The following RGS21 variants were observed in gnomAD, a reference collection of about 807,000 sequenced individuals.
RGS21 encodes regulator of G protein signaling 21.
In RGS21, 19 loss-of-function variants were observed where a neutral mutation model predicts 18.7. That is an observed-to-expected ratio of 1.01 (90% confidence interval 0.71 to 1.49). RGS21 has a LOEUF of 1.49. Ranked by LOEUF, RGS21 falls within the 40% of genes most tolerant of loss-of-function variation. The probability of loss-of-function intolerance (pLI) is 0.00; values close to 1 mark genes in which losing one functional copy is unlikely to be tolerated. For synonymous variants in RGS21, 56 were observed against 57.8 expected, an observed-to-expected ratio of 0.97 and a Z score of 0.14; for missense variants, 194 against 176.8, an observed-to-expected ratio of 1.10 and a Z score of -0.55.
intron 3 of RGS21, among the ~76,000 whole-genome samples, chr1:192,350,957 G>A (rs1430032852): frequency 3.3e-5 from 5 of 152,176 alleles, no homozygotes; most frequent in African/African-American, 1.2e-4. Flanking sequence ...GTAAGATAAG[G>A]GAAAGAAGTG....
chr1:192,361,868 C>A (rs1022361040), intron 4 of RGS21, among the ~76,000 whole-genome samples: 5 of 151,888 alleles, frequency 3.3e-5, no homozygotes, highest in African/African-American at 9.7e-5. Context: ...GATTTTTAAA[C>A]CAAAATTGAA....
chr1:192,323,574 T>C (rs994586998), intron 1 of RGS21, among the ~76,000 whole-genome samples: 19 of 152,060 alleles, frequency 1.2e-4, no homozygotes, highest in African/African-American at 4.1e-4. Flanking sequence ...GAGTAGATGA[T>C]TGAAAAATTG....
chr1:192,320,187 C>T (rs1261418250), intron 1 of RGS21, among the ~76,000 whole-genome samples: 1 of 151,938 alleles, frequency 6.6e-6, no homozygotes, highest in African/African-American at 2.4e-5. Context: ...CTAATGGGTA[C>T]TAGGCTTAAT....
intron 4 of RGS21, among the ~76,000 whole-genome samples, chr1:192,363,395 A>G (rs1162014842): frequency 6.6e-6 from 1 of 152,178 alleles, no homozygotes; most frequent in Admixed American, 6.6e-5. Context: ...TAGGGGAAAT[A>G]TAAAGTTAAA....
At chr1:192,345,348 C>T (rs1195511661) in intron 2 of RGS21, among the ~76,000 whole-genome samples, 2 of 152,008 alleles carry the variant, frequency 1.3e-5, no homozygotes, top group African/African-American at 4.8e-5. Context: ...ACACTCTATG[C>T]CTTTGAAGCT....
At chr1:192,320,780 G>A (rs1658487371) in intron 1 of RGS21, among the ~76,000 whole-genome samples, 1 of 151,952 alleles carries the variant, frequency 6.6e-6, no homozygotes, top group African/African-American at 2.4e-5. Flanking sequence ...AGCAAATTTA[G>A]AATTAGCTAA....
intron 1 of RGS21, among the ~76,000 whole-genome samples, chr1:192,334,051 T>C (rs1658728884): frequency 6.6e-6 from 1 of 152,226 alleles, no homozygotes; most frequent in Non-Finnish European, 1.5e-5. Flanking sequence ...TACTTTAACA[T>C]ATGGCTCTCT....
At chr1:192,322,223 C>G (rs1658507549) in intron 1 of RGS21, among the ~76,000 whole-genome samples, 1 of 151,400 alleles carries the variant, frequency 6.6e-6, no homozygotes, top group South Asian at 2.1e-4. Flanking sequence ...GCATGACATT[C>G]AAATATCTAA....
rs1297533621 is a variant in RGS21, at chr1:192,366,534, T to C, written c.*410T>C. The stretch of plus-strand genomic sequence containing the variant: ...TAAAAAGAGAATTTCTGAACCAAAA[T>C]ACAAGCTTTCATTTAATATATTTAA... On this transcript the variant is annotated 3_prime_UTR_variant, in exon 5 of 5. Coordinates refer to ENST00000417209, the MANE Select transcript of RGS21 (RefSeq NM_001039152.3). The C allele has an allele frequency of 1.3e-5, 2 of 153,082 alleles. No individual in the cohort carries two copies. Among genetic ancestry groups the C allele is most frequent in the African/African-American group, 2.4e-5 (1 of 41,468 alleles). The allele number at this position is 153,082 out of a possible 1,614,324, so 9.5% of individuals were successfully genotyped here.
At chr1:192,351,228 A>G (rs867960928) in intron 3 of RGS21, among the ~76,000 whole-genome samples, 28 of 152,100 alleles carry the variant, frequency 1.8e-4, no homozygotes, top group African/African-American at 6.5e-4. Context: ...ATGTATTTGT[A>G]TTTGCCTTAT....
chr1:192,329,554 G>A (rs181398761), intron 1 of RGS21, among the ~76,000 whole-genome samples: 1 of 151,940 alleles, frequency 6.6e-6, no homozygotes, highest in Admixed American at 6.6e-5. Flanking sequence ...AACATATAAC[G>A]ACCTATTACT....
chr1:192,343,026 T>C lies in RGS21; in HGVS notation c.-11T>C. 1 of 1,612,706 alleles carries C rather than the reference T, an allele frequency of 6.2e-7. No homozygotes were observed. Among genetic ancestry groups the C allele is most frequent in the African/African-American group, 1.3e-5 (1 of 74,972 alleles). ...ACTCGGCATCATCTGTGACAGACAG[T>C]GGAACGAAAAATGCCAGTGAAGTGA... On this transcript the variant is annotated 5_prime_UTR_variant, in exon 2 of 5. Coordinates refer to ENST00000417209, the MANE Select transcript of RGS21 (RefSeq NM_001039152.3).
rs755003074 is a variant in RGS21, at chr1:192,343,019, CAG to C, written c.-16_-15del. ...AAGAGAAACTCGGCATCATCTGTGA[CAG>C]ACAGTGGAACGAAAAATGCCAGTGA... On this transcript the variant is annotated 5_prime_UTR_variant, in exon 2 of 5. Transcript: ENST00000417209. 52 of 1,612,338 alleles carry C rather than the reference CAG, an allele frequency of 3.2e-5. No individual in the cohort carries two copies. In the East Asian group the frequency reaches 1.1e-3, roughly 35 times the overall value.
intron 2 of RGS21, 74 bp downstream of exon 2, chr1:192,343,121 G>T (rs576169929): frequency 1.5e-6 from 2 of 1,353,240 alleles, no homozygotes; most frequent in Non-Finnish European, 2.1e-6. Flanking sequence ...TTTTAGTCTC[G>T]ATGTTTTATT....
intron 1 of RGS21, among the ~76,000 whole-genome samples, chr1:192,331,364 C>T (rs1193395309): frequency 6.6e-6 from 1 of 151,936 alleles, no homozygotes; most frequent in African/African-American, 2.4e-5. Flanking sequence ...CCAACCTGGC[C>T]AACATGGTGA....
chr1:192,357,625 G>A (rs1268083925), intron 4 of RGS21, among the ~76,000 whole-genome samples: 2 of 151,776 alleles, frequency 1.3e-5, no homozygotes, highest in Non-Finnish European at 2.9e-5. Context: ...TGGAGAGGGA[G>A]GTCTTCAGCC....
chr1:192,327,727 C>T (rs933526817), intron 1 of RGS21, among the ~76,000 whole-genome samples: 1 of 152,124 alleles, frequency 6.6e-6, no homozygotes, highest in Non-Finnish European at 1.5e-5. Context: ...CCCACCTCAG[C>T]CTTCCAAAGT....
At chr1:192,338,770 G>A (rs757678017) in intron 1 of RGS21, among the ~76,000 whole-genome samples, 1 of 151,896 alleles carries the variant, frequency 6.6e-6, no homozygotes, top group Non-Finnish European at 1.5e-5. Context: ...TAAAATATAA[G>A]TGTTACTCTA....
intron 1 of RGS21, among the ~76,000 whole-genome samples, chr1:192,332,260 T>C (rs1384936773): frequency 6.6e-6 from 1 of 151,784 alleles, no homozygotes; most frequent in Non-Finnish European, 1.5e-5. Context: ...AAACCAGTAA[T>C]AAAAATGCAA....
Sources: allele counts gnomAD v4.1 joint callset (sites outside exome capture counted in the v4.1 genomes callset), GRCh38; gene constraint gnomAD v4.1.1; transcripts MANE v1.5; gene names NCBI Gene and HGNC (gene_info 2026-07-23, HGNC 2026-07-21).